The following TCF12 variants were observed in gnomAD, a reference collection of about 807,000 sequenced individuals.
TCF12 encodes DNA-binding protein HTF4.
Under a neutral mutation model 86.0 loss-of-function variants are expected in TCF12, and 45 were observed. That is an observed-to-expected ratio of 0.52 (90% CI 0.41 to 0.67). The LOEUF (loss-of-function observed/expected upper bound fraction) is 0.67. TCF12 is among the 30% of genes least tolerant of loss of function. TCF12 has a pLI of 0.00. For synonymous variants in TCF12, 330 were observed against 299.6 expected, an observed-to-expected ratio of 1.10 and a Z score of -1.05; for missense variants, 881 against 859.9, an observed-to-expected ratio of 1.02 and a Z score of -0.31.
At chr15:57,170,000 C>T (rs1419033801) in intron 6 of TCF12, among the ~76,000 whole-genome samples, 1 of 152,116 alleles carries the variant, frequency 6.6e-6, no homozygotes, top group Admixed American at 6.6e-5. Flanking sequence ...AATTTGCTAC[C>T]ATTTGCTGAG....
chr15:57,097,449 G>A (rs1358632444), intron 5 of TCF12, among the ~76,000 whole-genome samples: 1 of 151,948 alleles, frequency 6.6e-6, no homozygotes, highest in East Asian at 1.9e-4. Context: ...GATTCCTTGA[G>A]CTGGGGAGGT....
At chr15:57,150,568 A>C (rs1200042299) in intron 5 of TCF12, among the ~76,000 whole-genome samples, 1 of 152,156 alleles carries the variant, frequency 6.6e-6, no homozygotes, top group Non-Finnish European at 1.5e-5. Flanking sequence ...AAAATCTAGC[A>C]CCCAAAAATA....
chr15:57,003,196 G>A (rs2064151374), intron 3 of TCF12, among the ~76,000 whole-genome samples: 1 of 152,154 alleles, frequency 6.6e-6, no homozygotes, highest in Non-Finnish European at 1.5e-5. Flanking sequence ...TGGCTTCTCA[G>A]TCAAGGTAGT....
chr15:56,944,996 C>A (rs2060933590), intron 3 of TCF12, among the ~76,000 whole-genome samples: 1 of 152,048 alleles, frequency 6.6e-6, no homozygotes, highest in East Asian at 1.9e-4. Flanking sequence ...CTATTTAGGT[C>A]TTCTGTAAAT....
intron 8 of TCF12, among the ~76,000 whole-genome samples, chr15:57,225,799 G>C (rs1041563211): frequency 6.6e-6 from 1 of 151,992 alleles, no homozygotes; most frequent in Non-Finnish European, 1.5e-5. Flanking sequence ...AGAGACATGG[G>C]TTGTATATAT....
rs1161902601 is a variant in TCF12, at chr15:57,282,437, T to C, written c.1979-8T>C. ...CATAGTGATAAAAATTCTTTCCCCC[T>C]GTTTTAGAGAGGAACCTTAACCCCA... On this transcript the variant is annotated splice_region_variant and splice_polypyrimidine_tract_variant and intron_variant, in intron 19 of 20. Coordinates refer to ENST00000333725, the MANE Select transcript of TCF12 (RefSeq NM_207037.2). The C allele has an allele frequency of 1.2e-6, 2 of 1,613,954 alleles. No individual in the cohort carries two copies. The highest frequency in any genetic ancestry group is 2.7e-5 in the African/African-American group (2 of 74,906).
chr15:57,036,211 C>T (rs1222337477), intron 3 of TCF12, among the ~76,000 whole-genome samples: 1 of 151,776 alleles, frequency 6.6e-6, no homozygotes, highest in Non-Finnish European at 1.5e-5. Flanking sequence ...TTGAACAGCA[C>T]ACCAGTGAAG....
At chr15:57,225,220 C>CTTTTTTTTTTTTTTTTTTTTTTT (rs139530756) in intron 8 of TCF12, among the ~76,000 whole-genome samples, 1 of 39,770 alleles carries the variant, frequency 2.5e-5, no homozygotes, top group African/African-American at 1.0e-4. Context: ...CTGATATATG[C>CTTTTTTTTTTTTTTTTTTTTTTT]TTTTTTTTTT....
chr15:57,121,215 C>T (rs1047938430), intron 5 of TCF12, among the ~76,000 whole-genome samples: 47 of 152,242 alleles, frequency 3.1e-4, no homozygotes, highest in African/African-American at 1.1e-3. Flanking sequence ...TAGTCTAGGA[C>T]AAAGATGAAG....
intron 3 of TCF12, among the ~76,000 whole-genome samples, chr15:57,054,653 T>A (rs1357856260): frequency 2.6e-5 from 4 of 152,182 alleles, no homozygotes; most frequent in Non-Finnish European, 5.9e-5. Flanking sequence ...GATTTAGGTC[T>A]ACTAATTTGT....
At chr15:57,060,940 C>A (rs1425271000) in intron 3 of TCF12, among the ~76,000 whole-genome samples, 1 of 152,124 alleles carries the variant, frequency 6.6e-6, no homozygotes, top group Non-Finnish European at 1.5e-5. Flanking sequence ...TGACTCTTGC[C>A]TTTGTCAGTG....
At chr15:57,229,866 A>T (rs2151912056) in intron 8 of TCF12, among the ~76,000 whole-genome samples, 2 of 152,050 alleles carry the variant, frequency 1.3e-5, no homozygotes, top group Non-Finnish European at 2.9e-5. Flanking sequence ...GGTAATTTGC[A>T]AGGGGTCTTT....
At chr15:57,107,302 C>T (rs2050197267) in intron 5 of TCF12, among the ~76,000 whole-genome samples, 1 of 152,102 alleles carries the variant, frequency 6.6e-6, no homozygotes, top group African/African-American at 2.4e-5. Context: ...TGTGTAAGTG[C>T]AGATTACTGT....
chr15:56,952,237 A>T lies in TCF12; in HGVS notation c.148+31139A>T, dbSNP rs954523748. ...ACATGTGTATGTTTTTCTGTATTCT[A>T]TAATTTAGTCCATTGATCTCTTGTT... On this transcript the variant is annotated intron_variant, in intron 3 of 20. Transcript: ENST00000333725. 2.0e-5 allele frequency among the ~76,000 whole-genome samples: 3 copies of T among 151,958 alleles called. No individual in the cohort carries two copies. In the South Asian group the frequency reaches 6.2e-4, roughly 31 times the overall value.
chr15:57,229,089 G>GT (rs1173574949), intron 8 of TCF12, among the ~76,000 whole-genome samples: 18 of 151,858 alleles, frequency 1.2e-4, no homozygotes, highest in African/African-American at 3.4e-4. Flanking sequence ...GATTTATTCT[G>GT]TTTTTTTGTT....
In TCF12 at chr15:57,038,091, G is replaced by A. The variant is rs778554686; in HGVS notation, c.149-25659G>A. ...TAATTTTATTAGAAAGGAATTAATA[G>A]CTATTTATTCACAACATCTGATTAG... On this transcript the variant is annotated intron_variant, in intron 3 of 20. Coordinates refer to ENST00000333725, the MANE Select transcript of TCF12 (RefSeq NM_207037.2). 4.3e-4 allele frequency among the ~76,000 whole-genome samples: 65 copies of A among 152,234 alleles called. 1 individual carries two copies. The highest frequency in any genetic ancestry group is 3.9e-4 in the African/African-American group (16 of 41,538).
intron 19 of TCF12, among the ~76,000 whole-genome samples, chr15:57,279,420 C>T (rs761300550): frequency 7.0e-4 from 106 of 152,330 alleles, no homozygotes; most frequent in Middle Eastern, 3.4e-3. Context: ...GGAAGACATA[C>T]TTCTCATGCC....
At chr15:57,122,098 C>CAAAA (rs1159877371) in intron 5 of TCF12, among the ~76,000 whole-genome samples, 1 of 99,128 alleles carries the variant, frequency 1.0e-5, no homozygotes, top group Admixed American at 9.9e-5. Flanking sequence ...TTTCCTTGTA[C>CAAAA]AAAAAAAAAA....
At chr15:57,013,570 G>A (rs1236449571) in intron 3 of TCF12, among the ~76,000 whole-genome samples, 1 of 152,136 alleles carries the variant, frequency 6.6e-6, no homozygotes, top group Middle Eastern at 3.2e-3. Context: ...ATCTGCCTGC[G>A]TCAGTCTGCC....
Sources: gnomAD v4.1 joint callset for allele counts (sites outside exome capture counted in the v4.1 genomes callset) on GRCh38, gnomAD v4.1.1 for gene constraint, MANE v1.5 for transcripts, NCBI Gene and HGNC (gene_info 2026-07-23, HGNC 2026-07-21) for gene names.